The following ADAMTSL3 variants were observed in gnomAD, a reference collection of about 807,000 sequenced individuals.
The protein encoded by ADAMTSL3 is ADAMTS-like protein 3.
Under a neutral mutation model 201.7 loss-of-function variants are expected in ADAMTSL3, and 128 were observed. That is an observed-to-expected ratio of 0.63 (90% CI 0.55 to 0.73). The LOEUF (loss-of-function observed/expected upper bound fraction) is 0.73. ADAMTSL3 is among the 30% of genes least tolerant of loss of function. ADAMTSL3 has a pLI of 0.00. For missense variants in ADAMTSL3, 1,990 were observed against 2,119.6 expected (o/e 0.94, Z 1.20); for synonymous variants, 738 against 748.4 (o/e 0.99, Z 0.23).
At position 83,877,242 on chromosome 15, in the gene ADAMTSL3, A is replaced by T. The variant is rs376540662; in HGVS notation, c.960+6283A>T. Among the ~76,000 whole-genome samples, 19 of 152,264 alleles carry T rather than the reference A, an allele frequency of 1.2e-4. No homozygotes were observed. In the South Asian group the frequency reaches 3.9e-3, roughly 32 times the overall value. On this transcript the variant is annotated intron_variant, in intron 9 of 29. Coordinates refer to ENST00000286744, the MANE Select transcript of ADAMTSL3 (RefSeq NM_207517.3). The stretch of plus-strand genomic sequence containing the variant: ...TGCCCATCCCCTAAGATATTCTTCT[A>T]TGTTTGTGTTTGGAAGCCTTAATAT...
At chr15:83,735,015 T>C (rs537353363) in intron 3 of ADAMTSL3, among the ~76,000 whole-genome samples, 1 of 152,296 alleles carries the variant, frequency 6.6e-6, no homozygotes, top group East Asian at 1.9e-4. Context: ...CCTGTAGTTA[T>C]AATAGTTCAT....
chr15:83,844,860 C>T (rs934917502), intron 7 of ADAMTSL3, among the ~76,000 whole-genome samples: 1 of 152,226 alleles, frequency 6.6e-6, no homozygotes, highest in African/African-American at 2.4e-5. Context: ...TGTGAACTCC[C>T]TGGCCTCTTC....
rs1600640 is a variant in ADAMTSL3, at chr15:83,934,282, T to A, written c.2118-8314T>A. Among the ~76,000 whole-genome samples the A allele has an allele frequency of 2.0e-5, 3 of 152,214 alleles. No individual in the cohort carries two copies. In the South Asian group the frequency reaches 6.2e-4, roughly 32 times the overall value. On this transcript the variant is annotated intron_variant, in intron 17 of 29. Coordinates refer to ENST00000286744, the MANE Select transcript of ADAMTSL3 (RefSeq NM_207517.3). The stretch of plus-strand genomic sequence containing the variant: ...TATGCGACACACGAAGTTAAAAGGA[T>A]ATCATTTCAGAGCTTTCAGATTTTA...
At chr15:83,675,647 G>A (rs891638720) in intron 2 of ADAMTSL3, among the ~76,000 whole-genome samples, 13 of 138,352 alleles carry the variant, frequency 9.4e-5, no homozygotes, top group African/African-American at 3.0e-4. Flanking sequence ...AAAATGAGTT[G>A]GAGAGTGTTC....
At chr15:83,969,556 A>G (rs1460653878) in intron 19 of ADAMTSL3, among the ~76,000 whole-genome samples, 1 of 152,254 alleles carries the variant, frequency 6.6e-6, no homozygotes, top group Non-Finnish European at 1.5e-5. Flanking sequence ...TTAAAAATGT[A>G]GGAAACTCTG....
chr15:83,947,631 A>G (rs1184158452), intron 19 of ADAMTSL3, among the ~76,000 whole-genome samples: 4 of 151,798 alleles, frequency 2.6e-5, no homozygotes, highest in Admixed American at 2.6e-4. Flanking sequence ...TATTTTGTTT[A>G]TCTTCACCTT....
At chr15:83,797,127 T>G (rs1202518752) in intron 4 of ADAMTSL3, among the ~76,000 whole-genome samples, 1 of 152,110 alleles carries the variant, frequency 6.6e-6, no homozygotes, top group Non-Finnish European at 1.5e-5. Flanking sequence ...AATAAAATCT[T>G]GACAATGAAT....
At chr15:83,801,845 C>T (rs2063530309) in intron 4 of ADAMTSL3, among the ~76,000 whole-genome samples, 1 of 150,360 alleles carries the variant, frequency 6.7e-6, no homozygotes, top group Admixed American at 6.7e-5. Flanking sequence ...TAAATAAAGA[C>T]CTTGAGTATT....
At chr15:83,921,042 G>A (rs1169486125) in intron 16 of ADAMTSL3, among the ~76,000 whole-genome samples, 1 of 152,178 alleles carries the variant, frequency 6.6e-6, no homozygotes, top group East Asian at 1.9e-4. Context: ...TGAGGATACT[G>A]AAATTTATTT....
intron 3 of ADAMTSL3, among the ~76,000 whole-genome samples, chr15:83,743,934 T>A (rs987037930): frequency 3.3e-5 from 5 of 151,884 alleles, no homozygotes; most frequent in African/African-American, 1.2e-4. Context: ...CACTGCAAGC[T>A]CTGCCTCTCA....
intron 2 of ADAMTSL3, among the ~76,000 whole-genome samples, chr15:83,678,531 G>C (rs1241575025): frequency 6.6e-6 from 1 of 151,402 alleles, no homozygotes; most frequent in Non-Finnish European, 1.5e-5. Context: ...TGTAGGTAAT[G>C]CATTGTTTCT....
At chr15:83,993,785 G>A (rs573090120) in intron 23 of ADAMTSL3, among the ~76,000 whole-genome samples, 5 of 152,238 alleles carry the variant, frequency 3.3e-5, no homozygotes, top group African/African-American at 1.2e-4. Flanking sequence ...CATTTGGGTG[G>A]GGGTAATTTA....
chr15:83,724,173 A>G (rs1266857688), intron 3 of ADAMTSL3, among the ~76,000 whole-genome samples: 2 of 151,798 alleles, frequency 1.3e-5, no homozygotes, highest in African/African-American at 2.4e-5. Context: ...ATCTCGGCTC[A>G]CTGCAATCTC....
chr15:83,974,245 C>A (rs1313815322), intron 20 of ADAMTSL3, among the ~76,000 whole-genome samples: 2 of 152,198 alleles, frequency 1.3e-5, no homozygotes, highest in African/African-American at 4.8e-5. Flanking sequence ...CACCTGAGTT[C>A]AAATCCTAGT....
intron 2 of ADAMTSL3, among the ~76,000 whole-genome samples, chr15:83,669,102 C>T (rs893658110): frequency 2.6e-5 from 4 of 152,086 alleles, no homozygotes; most frequent in Non-Finnish European, 5.9e-5. Context: ...GGAGTGTGCT[C>T]CACCCATGGA....
intron 15 of ADAMTSL3, among the ~76,000 whole-genome samples, chr15:83,903,257 T>TTTTTTTA (rs1555458588): frequency 1.3e-5 from 2 of 151,314 alleles, no homozygotes; most frequent in South Asian, 2.1e-4. Flanking sequence ...TTTTTTTTTT[T>TTTTTTTA]ATCATGGTGA....
At chr15:83,946,504 C>T (rs1262024538) in intron 19 of ADAMTSL3, among the ~76,000 whole-genome samples, 1 of 152,238 alleles carries the variant, frequency 6.6e-6, no homozygotes, top group Non-Finnish European at 1.5e-5. Flanking sequence ...TGAGCATCCA[C>T]ATGGTCTTCC....
chr15:83,892,556 ACT>A, intron 12 of ADAMTSL3, 126 bp from the exon 13 acceptor site: 1 of 862,172 alleles, frequency 1.2e-6, no homozygotes, highest in Non-Finnish European at 1.8e-6. Context: ...AAGTCTTATG[ACT>A]CCCAGTCCCA....
chr15:83,855,511 G>A (rs1196814442), intron 7 of ADAMTSL3, among the ~76,000 whole-genome samples: 1 of 152,122 alleles, frequency 6.6e-6, no homozygotes, highest in African/African-American at 2.4e-5. Flanking sequence ...AATAATAATT[G>A]GGAATTGGGC....
Sources: gnomAD v4.1 joint callset for allele counts (sites outside exome capture counted in the v4.1 genomes callset) on GRCh38, gnomAD v4.1.1 for gene constraint, MANE v1.5 for transcripts, NCBI Gene and HGNC (gene_info 2026-07-23, HGNC 2026-07-21) for gene names.